The following FOXJ3 variants were observed in gnomAD, a reference collection of about 807,000 sequenced individuals.
FOXJ3 encodes the protein forkhead box protein J3.
In FOXJ3, 22 loss-of-function variants were observed where a neutral mutation model predicts 76.1. The observed-to-expected ratio is 0.29, with a 90% CI of 0.21 to 0.41. The LOEUF is 0.41. FOXJ3 is among the 10% of genes least tolerant of loss of function. The pLI, the probability that FOXJ3 is intolerant of heterozygous loss-of-function variation, is 1.00. For missense variants in FOXJ3, 613 were observed against 762.1 expected (o/e 0.80, Z 2.30); for synonymous variants, 269 against 261.2 (o/e 1.03, Z -0.29).
chr1:42,268,636 GACA>G (rs1012920708), intron 3 of FOXJ3, among the ~76,000 whole-genome samples: 1 of 152,076 alleles, frequency 6.6e-6, no homozygotes, highest in African/African-American at 2.4e-5. Context: ...TAAAATGTAT[GACA>G]ACAATAGCAA....
At chr1:42,180,698 T>C (rs1052521398) in intron 12 of FOXJ3, among the ~76,000 whole-genome samples, 3 of 152,158 alleles carry the variant, frequency 2.0e-5, no homozygotes, top group African/African-American at 4.8e-5. Flanking sequence ...TATATCACAA[T>C]ATAGGTAAAA....
At chr1:42,195,369 T>C (rs565693993) in intron 7 of FOXJ3, among the ~76,000 whole-genome samples, 1 of 152,376 alleles carries the variant, frequency 6.6e-6, no homozygotes, top group African/African-American at 2.4e-5. Context: ...AGAATCCTTC[T>C]AGCCTTTCTG....
chr1:42,195,450 C>T (rs1306430459), intron 7 of FOXJ3, among the ~76,000 whole-genome samples: 1 of 152,178 alleles, frequency 6.6e-6, no homozygotes, highest in Non-Finnish European at 1.5e-5. Flanking sequence ...AAACTACTAA[C>T]ATTTCTTTCA....
At chr1:42,284,413 A>C (rs1652921672) in intron 2 of FOXJ3, among the ~76,000 whole-genome samples, 1 of 152,242 alleles carries the variant, frequency 6.6e-6, no homozygotes, top group African/African-American at 2.4e-5. Context: ...CTCGCCATTT[A>C]AAGTGAAGTC....
intron 12 of FOXJ3, among the ~76,000 whole-genome samples, chr1:42,180,335 C>T (rs1646293490): frequency 6.6e-6 from 1 of 152,166 alleles, no homozygotes; most frequent in Non-Finnish European, 1.5e-5. Flanking sequence ...CACAGGAAAC[C>T]AGAAGGAACC....
chr1:42,229,027 T>C (rs916446008), intron 4 of FOXJ3, among the ~76,000 whole-genome samples: 1 of 152,130 alleles, frequency 6.6e-6, no homozygotes, highest in Non-Finnish European at 1.5e-5. Context: ...ACACGAATCA[T>C]CTCCTTATAC....
At chr1:42,180,566 G>C (rs1213461817) in intron 12 of FOXJ3, among the ~76,000 whole-genome samples, 1 of 151,864 alleles carries the variant, frequency 6.6e-6, no homozygotes, top group African/African-American at 2.4e-5. Flanking sequence ...TAACTGTTGT[G>C]GAAGTTTTAC....
In FOXJ3 at chr1:42,183,805, T is replaced by G. The variant is rs141004426; in HGVS notation, c.1646-1781A>C. Among the ~76,000 whole-genome samples, 357 of 152,194 alleles carry G rather than the reference T, an allele frequency of 2.3e-3. 5 individuals carry two copies. Among genetic ancestry groups the G allele is most frequent in the African/African-American group, 8.3e-3 (346 of 41,474 alleles). The stretch of plus-strand genomic sequence containing the variant: ...AGTGGAAAGCCAGACTATCCAGGCT[T>G]GAGATGGCCTCAGAGATAATCTAAT... On this transcript the variant is annotated intron_variant, in intron 11 of 12. Coordinates refer to ENST00000361346, the MANE Select transcript of FOXJ3 (RefSeq NM_014947.5).
intron 5 of FOXJ3, among the ~76,000 whole-genome samples, chr1:42,213,294 TA>T (rs985035976): frequency 6.6e-6 from 1 of 151,858 alleles, no homozygotes; most frequent in Admixed American, 6.6e-5. Flanking sequence ...TGAATGGATT[TA>T]AAAAAAATCA....
rs1434650261 is a variant in FOXJ3, at chr1:42,191,353, G to A, written c.1301C>T (p.Thr434Met). The A allele has an allele frequency of 5.7e-6, 9 of 1,579,332 alleles. No homozygotes were observed. Among genetic ancestry groups the A allele is most frequent in the Admixed American group, 3.4e-5 (2 of 58,574 alleles). ...IQHHPNHQHQ[T>M]LTHQAPPPPQ... is the part of the protein sequence containing the mutation. ...GGGTGGGGGTGCCTGATGTGTTAAC[G>A]TCTGATGCTGATGGTTCGGATGGTG... is the stretch of plus-strand genomic sequence containing the variant. Residue 434 changes from threonine to methionine, a missense_variant, in exon 9 of 13, where the codon ACG becomes ATG. This residue lies in a region of FOXJ3 where 526 missense variants were observed against 601.4 expected (regional missense o/e 0.87). Transcript: ENST00000361346.
At chr1:42,306,120 G>C (rs1325220090) in intron 2 of FOXJ3, among the ~76,000 whole-genome samples, 1 of 152,118 alleles carries the variant, frequency 6.6e-6, no homozygotes, top group African/African-American at 2.4e-5. Context: ...ATCAAGGAAA[G>C]CCTTTGCTTT....
intron 1 of FOXJ3, among the ~76,000 whole-genome samples, chr1:42,318,224 G>T (rs972455802): frequency 6.6e-6 from 1 of 152,098 alleles, no homozygotes; most frequent in Non-Finnish European, 1.5e-5. Flanking sequence ...ATAACCAAAA[G>T]ACTAATAATC....
intron 1 of FOXJ3, among the ~76,000 whole-genome samples, chr1:42,322,533 T>C (rs1262277412): frequency 1.3e-5 from 2 of 152,122 alleles, no homozygotes; most frequent in Non-Finnish European, 1.5e-5. Flanking sequence ...ATTCTTCATA[T>C]TTTATATATT....
Position 42,176,678 on chromosome 1 carries a change from T to C in FOXJ3, c.*3032A>G, listed in dbSNP as rs1403167260. 2 of 152,650 alleles carry C rather than the reference T, an allele frequency of 1.3e-5. No homozygotes were observed. Among genetic ancestry groups the C allele is most frequent in the East Asian group, 1.9e-4 (1 of 5,202 alleles). 9.5% of individuals were successfully genotyped at this position (152,650 alleles called of 1,614,324 possible). On this transcript the variant is annotated 3_prime_UTR_variant, in exon 13 of 13. Transcript: ENST00000361346. ...TACAAATAATGGTTGCCGTTCATCA[T>C]AGAGGCAAAATATGAAATCGTGCAA...
intron 1 of FOXJ3, among the ~76,000 whole-genome samples, chr1:42,333,215 G>A (rs1656263122): frequency 6.6e-6 from 1 of 151,682 alleles, no homozygotes; most frequent in Non-Finnish European, 1.5e-5. Context: ...CTACATAGAA[G>A]GAAAGGGAAT....
intron 3 of FOXJ3, among the ~76,000 whole-genome samples, chr1:42,268,371 G>C (rs1262054503): frequency 6.6e-6 from 1 of 151,606 alleles, no homozygotes; most frequent in Non-Finnish European, 1.5e-5. Flanking sequence ...GCAAAATAAA[G>C]ACTTCCAAAC....
intron 4 of FOXJ3, among the ~76,000 whole-genome samples, chr1:42,233,090 A>AG: frequency 8.6e-6 from 1 of 115,914 alleles, no homozygotes; most frequent in Non-Finnish European, 1.9e-5. Context: ...GGTTTGTCAA[A>AG]ATCAGATGGT....
At chr1:42,275,986 C>G (rs1402586627) in intron 3 of FOXJ3, among the ~76,000 whole-genome samples, 12 of 152,148 alleles carry the variant, frequency 7.9e-5, no homozygotes, top group Admixed American at 7.9e-4. Flanking sequence ...ACTAAAGGAA[C>G]AACTCATCTT....
intron 4 of FOXJ3, among the ~76,000 whole-genome samples, chr1:42,235,211 G>A (rs560099860): frequency 2.6e-5 from 4 of 152,338 alleles, no homozygotes; most frequent in South Asian, 2.1e-4. Context: ...CCAGGCACGG[G>A]ATATAATCTC....
Sources: allele counts gnomAD v4.1 joint callset (sites outside exome capture counted in the v4.1 genomes callset), GRCh38; gene constraint gnomAD v4.1.1; regional missense constraint gnomAD v4.1.1; transcripts MANE v1.5; gene names NCBI Gene and HGNC (gene_info 2026-07-23, HGNC 2026-07-21).